CCDC60: variants seen among roughly 807,000 people sequenced by gnomAD.
The protein encoded by CCDC60 is coiled-coil domain containing 60.
CCDC60 carries 54 observed loss-of-function variants against 63.5 expected under a neutral mutation model. The ratio of observed to expected loss-of-function variants is 0.85; its 90% CI spans 0.68 to 1.07. The LOEUF (loss-of-function observed/expected upper bound fraction) is 1.07. Ranked by LOEUF, CCDC60 falls within the 50% of genes least tolerant of loss-of-function variation. CCDC60 has a pLI of 0.00. For missense variants in CCDC60, 651 were observed against 684.3 expected, an observed-to-expected ratio of 0.95 and a Z score of 0.54; for synonymous variants, 206 against 238.8, an observed-to-expected ratio of 0.86 and a Z score of 1.27.
chr12:119,377,254 CAAAAAAAAAAA>C (rs60100165), intron 1 of CCDC60, among the ~76,000 whole-genome samples: 3 of 47,444 alleles, frequency 6.3e-5, no homozygotes, highest in East Asian at 1.0e-3. Context: ...CACTCCATCT[CAAAAAAAAAAA>C]AAAAAAAAAA....
intron 11 of CCDC60, among the ~76,000 whole-genome samples, chr12:119,527,762 C>T (rs536997417): frequency 8.1e-5 from 12 of 148,940 alleles, no homozygotes; most frequent in African/African-American, 2.7e-4. Context: ...CTGCAAGCTC[C>T]GCCTCCTGGG....
At chr12:119,532,959 T>C (rs1272024825) in intron 13 of CCDC60, among the ~76,000 whole-genome samples, 1 of 152,170 alleles carries the variant, frequency 6.6e-6, no homozygotes, top group African/African-American at 2.4e-5. Context: ...GATCAAATGG[T>C]ATTTCTGGCT....
chr12:119,473,669 T>C (rs1252174957), intron 3 of CCDC60, among the ~76,000 whole-genome samples: 1 of 152,142 alleles, frequency 6.6e-6, no homozygotes, highest in East Asian at 1.9e-4. Flanking sequence ...TGCATCCTCA[T>C]AGCTTAGCTC....
intron 2 of CCDC60, among the ~76,000 whole-genome samples, chr12:119,451,934 T>C (rs1453681890): frequency 6.6e-6 from 1 of 152,152 alleles, no homozygotes; most frequent in African/African-American, 2.4e-5. Flanking sequence ...CACCAAGAGA[T>C]CAAATTACCA....
chr12:119,506,695 C>T (rs1358535611), intron 7 of CCDC60, among the ~76,000 whole-genome samples: 1 of 151,994 alleles, frequency 6.6e-6, no homozygotes, highest in African/African-American at 2.4e-5. Context: ...TATGAGCCCT[C>T]ACACAAGAAA....
chr12:119,535,778 G>C (rs1952984123), intron 13 of CCDC60, among the ~76,000 whole-genome samples: 1 of 152,330 alleles, frequency 6.6e-6, no homozygotes, highest in African/African-American at 2.4e-5. Flanking sequence ...TGGTCTGAGA[G>C]ACAGTTTGTT....
intron 1 of CCDC60, among the ~76,000 whole-genome samples, chr12:119,397,784 G>A (rs1175203778): frequency 1.2e-4 from 1 of 8,426 alleles, no homozygotes; most frequent in African/African-American, 5.9e-4. Flanking sequence ...CGTCAGGGAG[G>A]CTGGGTGGGG....
chr12:119,344,371 G>A (rs759156716), intron 1 of CCDC60, among the ~76,000 whole-genome samples: 9 of 152,116 alleles, frequency 5.9e-5, no homozygotes, highest in Admixed American at 2.0e-4. Flanking sequence ...AATAAATGAT[G>A]CCGTCATGTA....
intron 1 of CCDC60, among the ~76,000 whole-genome samples, chr12:119,357,347 C>T (rs1288967575): frequency 6.6e-6 from 1 of 152,112 alleles, no homozygotes; most frequent in African/African-American, 2.4e-5. Flanking sequence ...TTATTTCTTC[C>T]ATCTAACTAT....
chr12:119,439,816 G>A (rs1209601757), intron 2 of CCDC60, among the ~76,000 whole-genome samples: 1 of 152,216 alleles, frequency 6.6e-6, no homozygotes, highest in Admixed American at 6.5e-5. Context: ...AATATAGGTA[G>A]TCCAGCATTT....
chr12:119,403,569 T>A (rs958025771), intron 1 of CCDC60, among the ~76,000 whole-genome samples: 3 of 151,322 alleles, frequency 2.0e-5, no homozygotes. Context: ...CTGGGGAGAG[T>A]CCCAGCAGCC....
At chr12:119,507,607 TATA>T (rs1566050799) in intron 7 of CCDC60, among the ~76,000 whole-genome samples, 1,668 of 33,324 alleles carry the variant, frequency 0.05, 63 homozygotes, top group Non-Finnish European at 0.064. Flanking sequence ...TATATATATA[TATA>T]TATATTTTTT....
intron 1 of CCDC60, among the ~76,000 whole-genome samples, chr12:119,426,531 G>A (rs1956904919): frequency 6.6e-6 from 1 of 151,556 alleles, no homozygotes; most frequent in Admixed American, 6.6e-5. Flanking sequence ...TAATTTTTTT[G>A]TATTTTTTGT....
chr12:119,503,824 T>A (rs1951919887), intron 6 of CCDC60, among the ~76,000 whole-genome samples: 1 of 152,190 alleles, frequency 6.6e-6, no homozygotes, highest in Non-Finnish European at 1.5e-5. Flanking sequence ...CTGCGCAATG[T>A]GTATTAAATG....
In CCDC60 at chr12:119,540,792, C is replaced by T; in HGVS notation, c.*77C>T. 1 of 1,025,294 alleles carries T rather than the reference C, an allele frequency of 9.8e-7. No homozygotes were observed. The highest frequency in any genetic ancestry group is 1.5e-6 in the Non-Finnish European group (1 of 666,720). The allele number at this position is 1,025,294 out of a possible 1,614,324, so 63.5% of individuals were successfully genotyped here. On this transcript the variant is annotated 3_prime_UTR_variant, in exon 14 of 14. Transcript: ENST00000327554. ...ATGTTCCTGTATCCTGCCTGTGTTC[C>T]TGCCTCCTGACTACCCTCATGGATG...
At chr12:119,411,149 G>A (rs1369617096) in intron 1 of CCDC60, among the ~76,000 whole-genome samples, 2 of 152,230 alleles carry the variant, frequency 1.3e-5, no homozygotes, top group Admixed American at 6.5e-5. Context: ...GTGGATAGTT[G>A]TAGAGAAACG....
At chr12:119,397,996 T>TG (rs1956302456) in intron 1 of CCDC60, among the ~76,000 whole-genome samples, 1 of 14,246 alleles carries the variant, frequency 7.0e-5, no homozygotes, top group African/African-American at 3.4e-4. Flanking sequence ...GAAGGGGCGG[T>TG]GTGGGGGGAT....
intron 7 of CCDC60, among the ~76,000 whole-genome samples, chr12:119,513,393 C>T (rs1226046790): frequency 6.6e-6 from 1 of 152,202 alleles, no homozygotes; most frequent in Non-Finnish European, 1.5e-5. Flanking sequence ...GTCCATAGGG[C>T]CATGCATCTT....
At chr12:119,466,796 T>A (rs570298742) in intron 2 of CCDC60, among the ~76,000 whole-genome samples, 19 of 152,314 alleles carry the variant, frequency 1.2e-4, no homozygotes, top group Admixed American at 9.2e-4. Flanking sequence ...ATAACCCATT[T>A]CATATTCTCT....
Sources: gnomAD v4.1 joint callset for allele counts (sites outside exome capture counted in the v4.1 genomes callset) on GRCh38, gnomAD v4.1.1 for gene constraint, MANE v1.5 for transcripts, NCBI Gene and HGNC (gene_info 2026-07-23, HGNC 2026-07-21) for gene names.